Variants in CA10 observed in about 807,000 individuals in gnomAD.
The protein encoded by CA10 is carbonic anhydrase 10 (inactive), also known as carbonic anhydrase-related protein 10.
CA10 carries 14 observed loss-of-function variants against 44.2 expected under a neutral mutation model. The observed-to-expected ratio is 0.32, with a 90% CI of 0.21 to 0.50. CA10 has a LOEUF of 0.50. Among genes scored for constraint, CA10 ranks in the 20% least tolerant of loss-of-function variants. The pLI is 0.99. For missense variants in CA10, 350 were observed against 409.7 expected (o/e 0.85, Z 1.26); for synonymous variants, 159 against 141.6 (o/e 1.12, Z -0.87).
At chr17:51,860,391 A>G (rs1210434370) in intron 3 of CA10, among the ~76,000 whole-genome samples, 1 of 152,230 alleles carries the variant, frequency 6.6e-6, no homozygotes, top group African/African-American at 2.4e-5. Flanking sequence ...AACATCCAGG[A>G]AACTGAATGG....
chr17:52,047,796 T>C (rs186200548), intron 2 of CA10, among the ~76,000 whole-genome samples: 2 of 152,084 alleles, frequency 1.3e-5, no homozygotes, highest in East Asian at 1.9e-4. Context: ...AAACCTAATA[T>C]ATGGAATTTA....
chr17:52,070,035 T>C (rs1222756428), intron 2 of CA10, among the ~76,000 whole-genome samples: 1 of 152,226 alleles, frequency 6.6e-6, no homozygotes, highest in Non-Finnish European at 1.5e-5. Flanking sequence ...GTAGGTCATC[T>C]GGAGTCAGAT....
In CA10 at chr17:52,152,263, G is replaced by A. The variant is rs556491720; in HGVS notation, c.61+5463C>T. 1.7e-4 allele frequency among the ~76,000 whole-genome samples: 26 copies of A among 152,188 alleles called. No homozygotes were observed. In the South Asian group the frequency reaches 1.9e-3, roughly 11 times the overall value. On this transcript the variant is annotated intron_variant, in intron 1 of 8. Transcript: ENST00000451037. Reference sequence around the variant, plus strand: ...ATTTTAACAAAGAATCCATTGAACCGTTGCAAAGATCCTTAATACAAAAAC... The same window carrying A: ...ATTTTAACAAAGAATCCATTGAACCATTGCAAAGATCCTTAATACAAAAAC...
intron 3 of CA10, among the ~76,000 whole-genome samples, chr17:51,757,081 T>C (rs1040644087): frequency 1.3e-5 from 2 of 152,204 alleles, no homozygotes; most frequent in East Asian, 1.9e-4. Flanking sequence ...TTTCCTGTTA[T>C]ATGTCTCTGG....
chr17:51,844,226 C>A (rs185609029), intron 3 of CA10, among the ~76,000 whole-genome samples: 4 of 151,770 alleles, frequency 2.6e-5, no homozygotes, highest in Non-Finnish European at 5.9e-5. Context: ...GCCATGAATC[C>A]CAATAGAATT....
chr17:51,746,937 G>C (rs545578568), intron 4 of CA10, among the ~76,000 whole-genome samples: 3 of 152,214 alleles, frequency 2.0e-5, no homozygotes, highest in Non-Finnish European at 4.4e-5. Context: ...CATTTAGCCT[G>C]TAAGGACCCC....
chr17:51,937,149 T>C (rs1982898188), intron 2 of CA10, among the ~76,000 whole-genome samples: 2 of 152,134 alleles, frequency 1.3e-5, no homozygotes, highest in African/African-American at 2.4e-5. Context: ...ATAAAACATA[T>C]CTCTAGTGAA....
At chr17:52,152,588 TC>T (rs1989725850) in intron 1 of CA10, among the ~76,000 whole-genome samples, 1 of 152,152 alleles carries the variant, frequency 6.6e-6, no homozygotes, top group South Asian at 2.1e-4. Context: ...TTATTCCTAT[TC>T]CTTTATATCA....
At chr17:52,051,851 C>T (rs1265239709) in intron 2 of CA10, among the ~76,000 whole-genome samples, 1 of 152,036 alleles carries the variant, frequency 6.6e-6, no homozygotes, top group Non-Finnish European at 1.5e-5. Context: ...TAGAACTAGT[C>T]ACAATAGCAA....
intron 3 of CA10, among the ~76,000 whole-genome samples, chr17:51,769,569 T>C (rs1905520121): frequency 6.6e-6 from 1 of 152,104 alleles, no homozygotes; most frequent in Admixed American, 6.5e-5. Context: ...TCTAGCAGAA[T>C]TGGTAGACAT....
At chr17:51,840,443 T>A (rs570389897) in intron 3 of CA10, among the ~76,000 whole-genome samples, 208 of 151,848 alleles carry the variant, frequency 1.4e-3, no homozygotes, top group Non-Finnish European at 2.0e-3. Context: ...ATTTTTGTAA[T>A]GTACTTGAAC....
chr17:51,927,888 A>T (rs1277646152), intron 3 of CA10, among the ~76,000 whole-genome samples: 2 of 152,188 alleles, frequency 1.3e-5, no homozygotes, highest in African/African-American at 4.8e-5. Flanking sequence ...TAGTAGCTTT[A>T]ACTAGAATGG....
intron 2 of CA10, among the ~76,000 whole-genome samples, chr17:52,059,278 A>T (rs185269783): frequency 1.4e-3 from 214 of 152,270 alleles, no homozygotes; most frequent in African/African-American, 5.0e-3. Flanking sequence ...TCACAAAAAA[A>T]TATCAGAGCT....
chr17:51,743,899 G>A (rs1171877524), intron 4 of CA10, among the ~76,000 whole-genome samples: 1 of 152,146 alleles, frequency 6.6e-6, no homozygotes, highest in African/African-American at 2.4e-5. Context: ...TAACAAACCT[G>A]CATGTGTACA....
At chr17:51,698,640 C>A (rs1915482581) in intron 4 of CA10, among the ~76,000 whole-genome samples, 1 of 152,146 alleles carries the variant, frequency 6.6e-6, no homozygotes, top group Non-Finnish European at 1.5e-5. Context: ...ACTGTTGTCA[C>A]TTATAGTGCA....
intron 2 of CA10, among the ~76,000 whole-genome samples, chr17:52,020,515 G>A (rs376140108): frequency 4.7e-4 from 71 of 151,726 alleles, no homozygotes; most frequent in East Asian, 4.5e-3. Context: ...CTGCAAATCC[G>A]TCATTTTTTG....
intron 2 of CA10, among the ~76,000 whole-genome samples, chr17:52,061,445 TAATA>T (rs1233867642): frequency 6.6e-6 from 1 of 152,170 alleles, no homozygotes; most frequent in Non-Finnish European, 1.5e-5. Context: ...AATGGTAAGA[TAATA>T]AATCTGTTGT....
At chr17:52,034,078 G>A (rs548752744) in intron 2 of CA10, among the ~76,000 whole-genome samples, 16 of 152,286 alleles carry the variant, frequency 1.1e-4, no homozygotes, top group South Asian at 8.3e-4. Context: ...CACTTTATCC[G>A]CACTTGGAAT....
intron 1 of CA10, among the ~76,000 whole-genome samples, chr17:52,110,043 G>A (rs1413574810): frequency 2.0e-5 from 3 of 152,086 alleles, no homozygotes; most frequent in African/African-American, 7.2e-5. Flanking sequence ...TGACTATTCT[G>A]CAAACACAAA....
Sources: gnomAD v4.1 joint callset for allele counts (sites outside exome capture counted in the v4.1 genomes callset) on GRCh38, gnomAD v4.1.1 for gene constraint, MANE v1.5 for transcripts, NCBI Gene and HGNC (gene_info 2026-07-23, HGNC 2026-07-21) for gene names.